The following TMEM117 variants were observed in gnomAD, a reference collection of about 807,000 sequenced individuals.
The protein encoded by TMEM117 is transmembrane protein 117.
TMEM117 carries 27 observed loss-of-function variants against 52.4 expected under a neutral mutation model. The ratio of observed to expected loss-of-function variants is 0.51; its 90% CI spans 0.38 to 0.71. The LOEUF (loss-of-function observed/expected upper bound fraction) is 0.71. TMEM117 is among the 30% of genes least tolerant of loss of function. The probability of loss-of-function intolerance (pLI) is 0.00; values close to 1 mark genes in which losing one functional copy is unlikely to be tolerated. For missense variants in TMEM117, 556 were observed against 630.5 expected (o/e 0.88, Z 1.26); for synonymous variants, 215 against 206.3 (o/e 1.04, Z -0.36).
At chr12:43,890,829 C>T (rs1015378709) in intron 2 of TMEM117, among the ~76,000 whole-genome samples, 2 of 151,920 alleles carry the variant, frequency 1.3e-5, no homozygotes, top group African/African-American at 4.8e-5. Context: ...TGCGCCCAGC[C>T]CCAAGGGATA....
chr12:43,850,617 G>A (rs1943290400), intron 2 of TMEM117, among the ~76,000 whole-genome samples: 1 of 151,962 alleles, frequency 6.6e-6, no homozygotes, highest in African/African-American at 2.4e-5. Context: ...CACTTTCTCT[G>A]ACTCCCTCCC....
At position 44,082,625 on chromosome 12, in the gene TMEM117, A is replaced by T. The variant is rs373335968; in HGVS notation, c.411-60900A>T. Among the ~76,000 whole-genome samples the T allele has an allele frequency of 4.6e-5, 7 of 152,250 alleles. No homozygotes were observed. The East Asian group carries it at 1.3e-3, about 29-fold the overall frequency. ...AGAAAAATTGGAAATAATTACAACT[A>T]TCAAATAATAATTATGTAACAGTTT... On this transcript the variant is annotated intron_variant, in intron 3 of 7. Transcript: ENST00000266534.
intron 6 of TMEM117, among the ~76,000 whole-genome samples, chr12:44,375,800 G>A (rs571976126): frequency 2.1e-4 from 32 of 152,100 alleles, no homozygotes; most frequent in Admixed American, 4.6e-4. Context: ...TTCAAGTTTT[G>A]TGTATTCTTT....
chr12:44,277,819 A>AGTG (rs1350815762), intron 5 of TMEM117, among the ~76,000 whole-genome samples: 1 of 137,058 alleles, frequency 7.3e-6, no homozygotes, highest in African/African-American at 2.8e-5. Context: ...GCTAGAGTGC[A>AGTG]GTGGTGTGAT....
intron 5 of TMEM117, among the ~76,000 whole-genome samples, chr12:44,255,697 A>T (rs997659901): frequency 6.6e-6 from 1 of 152,112 alleles, no homozygotes; most frequent in Non-Finnish European, 1.5e-5. Flanking sequence ...ACACATATAC[A>T]TGCATAGGTA....
chr12:44,148,783 G>A lies in TMEM117; in HGVS notation c.510+5159G>A, dbSNP rs73290220. On this transcript the variant is annotated intron_variant, in intron 4 of 7. Coordinates refer to ENST00000266534, the MANE Select transcript of TMEM117 (RefSeq NM_032256.3). ...CAACACAGAACCAGGTATAAAATAGGTGCTCAAGAAATATTTATTTAAAGA... is the reference window on the plus strand; with the variant it reads ...CAACACAGAACCAGGTATAAAATAGATGCTCAAGAAATATTTATTTAAAGA... 6.9e-3 allele frequency among the ~76,000 whole-genome samples: 1,043 copies of A among 152,122 alleles called. 14 individuals are homozygous for A. The highest frequency in any genetic ancestry group is 0.024 in the African/African-American group (995 of 41,484).
At chr12:44,082,502 T>C (rs1947498440) in intron 3 of TMEM117, among the ~76,000 whole-genome samples, 1 of 152,052 alleles carries the variant, frequency 6.6e-6, no homozygotes, top group African/African-American at 2.4e-5. Flanking sequence ...ATCCTTACTT[T>C]TTCTTCTTAT....
At chr12:44,187,067 A>G (rs76603711) in intron 4 of TMEM117, among the ~76,000 whole-genome samples, 1,746 of 152,232 alleles carry the variant, frequency 0.011, 22 homozygotes, top group South Asian at 0.052. Flanking sequence ...TCCTTACTTA[A>G]TTCTCAAGGC....
chr12:44,090,034 C>T (rs1329268811), intron 3 of TMEM117, among the ~76,000 whole-genome samples: 1 of 152,106 alleles, frequency 6.6e-6, no homozygotes, highest in Non-Finnish European at 1.5e-5. Flanking sequence ...ATGTGTTTAT[C>T]CCATACTTGA....
chr12:44,148,868 G>A (rs1354612258), intron 4 of TMEM117, among the ~76,000 whole-genome samples: 1 of 152,030 alleles, frequency 6.6e-6, no homozygotes, highest in Non-Finnish European at 1.5e-5. Flanking sequence ...GTTCAGTTTT[G>A]TGACTTATTA....
At chr12:44,138,001 G>C (rs1034361212) in intron 3 of TMEM117, among the ~76,000 whole-genome samples, 16 of 152,128 alleles carry the variant, frequency 1.1e-4, no homozygotes, top group Non-Finnish European at 1.5e-4. Context: ...TTTATATCAT[G>C]TGTTCCCCAA....
intron 6 of TMEM117, among the ~76,000 whole-genome samples, chr12:44,313,635 T>A (rs1951018520): frequency 6.6e-6 from 1 of 152,208 alleles, no homozygotes; most frequent in South Asian, 2.1e-4. Flanking sequence ...TTTTTTATAA[T>A]TCTGTGAAAA....
intron 3 of TMEM117, among the ~76,000 whole-genome samples, chr12:43,968,594 G>A (rs773673918): frequency 3.9e-5 from 6 of 152,044 alleles, no homozygotes; most frequent in Non-Finnish European, 8.8e-5. Context: ...TAAGTTATTT[G>A]TTCCAAAAAG....
intron 4 of TMEM117, among the ~76,000 whole-genome samples, chr12:44,200,415 A>G (rs1374249970): frequency 6.6e-6 from 1 of 152,216 alleles, no homozygotes; most frequent in Non-Finnish European, 1.5e-5. Flanking sequence ...AAACATTGTT[A>G]ATTAAAAACT....
intron 4 of TMEM117, among the ~76,000 whole-genome samples, chr12:44,148,381 G>T (rs1948675080): frequency 6.6e-6 from 1 of 152,102 alleles, no homozygotes; most frequent in Non-Finnish European, 1.5e-5. Context: ...GAAATAAGTT[G>T]TAATTTTTGC....
intron 3 of TMEM117, among the ~76,000 whole-genome samples, chr12:44,030,517 A>G (rs1946616458): frequency 6.6e-6 from 1 of 152,258 alleles, no homozygotes; most frequent in African/African-American, 2.4e-5. Context: ...TGTATTTGAG[A>G]CTCCTAAAGA....
At chr12:44,212,100 CT>C (rs1949653617) in intron 5 of TMEM117, among the ~76,000 whole-genome samples, 1 of 152,192 alleles carries the variant, frequency 6.6e-6, no homozygotes, top group South Asian at 2.1e-4. Flanking sequence ...GTATTTCCCC[CT>C]TATCTATGGT....
At chr12:44,324,215 G>C (rs1329328570) in intron 6 of TMEM117, among the ~76,000 whole-genome samples, 1 of 152,018 alleles carries the variant, frequency 6.6e-6, no homozygotes, top group Non-Finnish European at 1.5e-5. Flanking sequence ...TTGCTTTGGA[G>C]AGTTGTTGGC....
intron 5 of TMEM117, among the ~76,000 whole-genome samples, chr12:44,268,019 A>G (rs937572070): frequency 6.6e-6 from 1 of 152,136 alleles, no homozygotes; most frequent in African/African-American, 2.4e-5. Flanking sequence ...TGTACCCAGT[A>G]GTGGGATTCC....
Sources: gnomAD v4.1 joint callset for allele counts (sites outside exome capture counted in the v4.1 genomes callset) on GRCh38, gnomAD v4.1.1 for gene constraint, MANE v1.5 for transcripts, NCBI Gene and HGNC (gene_info 2026-07-23, HGNC 2026-07-21) for gene names.